Variants in SLIT2 observed in about 807,000 individuals in gnomAD.
The protein encoded by SLIT2 is slit homolog 2 protein.
Under a neutral mutation model 185.7 loss-of-function variants are expected in SLIT2, and 41 were observed. The ratio of observed to expected loss-of-function variants is 0.22; its 90% CI spans 0.17 to 0.29. The LOEUF (loss-of-function observed/expected upper bound fraction) is 0.29, where lower values mean the gene tolerates loss of function less well. Among genes scored for constraint, SLIT2 ranks in the 10% least tolerant of loss-of-function variants. The pLI is 1.00. For missense variants in SLIT2, 1,571 were observed against 1,909.0 expected, an observed-to-expected ratio of 0.82 and a Z score of 3.30; for synonymous variants, 693 against 680.2, an observed-to-expected ratio of 1.02 and a Z score of -0.29.
intron 30 of SLIT2, among the ~76,000 whole-genome samples, chr4:20,594,560 A>G (rs1290518366): frequency 1.3e-5 from 2 of 152,076 alleles, no homozygotes; most frequent in African/African-American, 4.8e-5. Flanking sequence ...ATAGATGGCC[A>G]TACCTGTAGG....
intron 2 of SLIT2, among the ~76,000 whole-genome samples, chr4:20,256,976 C>T (rs1034219347): frequency 6.6e-6 from 1 of 152,014 alleles, no homozygotes; most frequent in Non-Finnish European, 1.5e-5. Context: ...GACCTCAGAT[C>T]TTTGTTATAC....
chr4:20,595,662 T>C (rs375435385), intron 30 of SLIT2, 35 bp from the exon 31 acceptor site: 22 of 1,608,464 alleles, frequency 1.4e-5, no homozygotes, highest in Non-Finnish European at 1.8e-5. Context: ...TTTGGCTCAG[T>C]TGGGTTTGAA....
chr4:20,500,254 A>G (rs1718597352), intron 9 of SLIT2, among the ~76,000 whole-genome samples: 1 of 152,208 alleles, frequency 6.6e-6, no homozygotes, highest in South Asian at 2.1e-4. Flanking sequence ...AACATATTCA[A>G]CTTAAGGATA....
At chr4:20,556,641 C>T (rs1724281796) in intron 26 of SLIT2, among the ~76,000 whole-genome samples, 1 of 151,858 alleles carries the variant, frequency 6.6e-6, no homozygotes, top group Non-Finnish European at 1.5e-5. Context: ...TGAAATTAGG[C>T]CAGACATAAC....
At chr4:20,532,542 G>A (rs1450306123) in intron 17 of SLIT2, among the ~76,000 whole-genome samples, 1 of 152,100 alleles carries the variant, frequency 6.6e-6, no homozygotes, top group African/African-American at 2.4e-5. Flanking sequence ...AAGTTCATAA[G>A]CTCAGCAGTT....
At chr4:20,569,886 A>G (rs993871412) in intron 29 of SLIT2, among the ~76,000 whole-genome samples, 8 of 152,106 alleles carry the variant, frequency 5.3e-5, no homozygotes, top group Non-Finnish European at 1.0e-4. Flanking sequence ...AAATCAAAGG[A>G]TGAAATTACA....
intron 4 of SLIT2, among the ~76,000 whole-genome samples, chr4:20,379,401 A>C (rs541414575): frequency 6.6e-6 from 1 of 152,298 alleles, no homozygotes; most frequent in African/African-American, 2.4e-5. Context: ...TTTATGTTAC[A>C]TTAGAGGATA....
chr4:20,524,166 T>A lies in SLIT2; in HGVS notation c.1427T>A (p.Phe476Tyr). ...KRIGQIKSKKFRCSAKEQYFI... is the reference protein window; with the variant it reads ...KRIGQIKSKKYRCSAKEQYFI... The stretch of plus-strand genomic sequence containing the variant: ...ATTGGACAGATCAAAAGCAAGAAAT[T>A]CCGTTGTTCAGGTAATTTCTTCACG... The change falls in exon 14 of 37, where the codon TTC becomes TAC. Residue 476 changes from phenylalanine to tyrosine, a missense_variant. This residue lies in a region of SLIT2 where 1,202 missense variants were observed against 1,416.4 expected (regional missense o/e 0.85). Coordinates refer to ENST00000504154, the MANE Select transcript of SLIT2 (RefSeq NM_004787.4). 2 of 1,613,974 alleles carry A rather than the reference T, an allele frequency of 1.2e-6. No homozygotes were observed. Among genetic ancestry groups the A allele is most frequent in the Non-Finnish European group, 1.7e-6 (2 of 1,179,958 alleles).
chr4:20,401,375 T>A (rs1726347562), intron 4 of SLIT2, among the ~76,000 whole-genome samples: 1 of 151,934 alleles, frequency 6.6e-6, no homozygotes, highest in Admixed American at 6.6e-5. Flanking sequence ...AGAGCCAGTT[T>A]GGCTTCTTCC....
At position 20,618,712 on chromosome 4, in the gene SLIT2, C is replaced by T; in HGVS notation, c.4349-56C>T. 2.7e-6 allele frequency: 4 copies of T among 1,505,590 alleles called. No homozygotes were observed. The South Asian group carries it at 5.5e-5, about 21-fold the overall frequency. The allele number at this position is 1,505,590 out of a possible 1,614,324, so 93.3% of individuals were successfully genotyped here. Reference sequence around the variant, plus strand: ...ATTAAGTTGTGGATTCACAGTCACTCTGCATGACTTACAGTGACTGTTCTT... The same window carrying T: ...ATTAAGTTGTGGATTCACAGTCACTTTGCATGACTTACAGTGACTGTTCTT... On this transcript the variant is annotated intron_variant, in intron 36 of 36. Coordinates refer to ENST00000504154, the MANE Select transcript of SLIT2 (RefSeq NM_004787.4).
At chr4:20,552,393 G>T (rs977316283) in intron 25 of SLIT2, 3 of 147,772 alleles carry the variant, frequency 2.0e-5, no homozygotes, top group Non-Finnish European at 4.5e-5. Context: ...TATATATAAA[G>T]AAATTTTATA....
chr4:20,606,481 CAA>C (rs35581868), intron 33 of SLIT2, among the ~76,000 whole-genome samples: 1 of 142,730 alleles, frequency 7.0e-6, no homozygotes. Context: ...GACTCTGTCT[CAA>C]AAAAAAAAAA....
intron 4 of SLIT2, among the ~76,000 whole-genome samples, chr4:20,425,575 A>G (rs1728498956): frequency 6.6e-6 from 1 of 152,186 alleles, no homozygotes; most frequent in African/African-American, 2.4e-5. Flanking sequence ...TATTGATTAG[A>G]TACAATTTTA....
intron 4 of SLIT2, among the ~76,000 whole-genome samples, chr4:20,409,043 G>A (rs1161044744): frequency 4.0e-5 from 6 of 150,890 alleles, no homozygotes; most frequent in African/African-American, 9.8e-5. Context: ...TGCAGCTCAC[G>A]AAAGCTGCCA....
chr4:20,509,838 C>T (rs923394581), intron 9 of SLIT2, among the ~76,000 whole-genome samples: 1 of 151,992 alleles, frequency 6.6e-6, no homozygotes, highest in Non-Finnish European at 1.5e-5. Flanking sequence ...TTTAGTATAC[C>T]ATAAAAATAC....
chr4:20,596,367 A>G (rs763970574), intron 31 of SLIT2, 48 bp from the exon 32 acceptor site: 1 of 1,576,764 alleles, frequency 6.3e-7, no homozygotes. Flanking sequence ...CAGATTGGCA[A>G]TTAAGTAAAA....
intron 4 of SLIT2, among the ~76,000 whole-genome samples, chr4:20,405,411 A>T (rs1368992633): frequency 1.3e-5 from 2 of 151,938 alleles, no homozygotes; most frequent in African/African-American, 4.8e-5. Flanking sequence ...GAAAACACAG[A>T]ATTTGTATTA....
chr4:20,550,475 T>C (rs1021120013), intron 24 of SLIT2, among the ~76,000 whole-genome samples: 4 of 152,038 alleles, frequency 2.6e-5, no homozygotes, highest in Non-Finnish European at 5.9e-5. Context: ...ATATATTTTA[T>C]GTTGTCAAAA....
intron 9 of SLIT2, among the ~76,000 whole-genome samples, chr4:20,503,366 A>T (rs614026): frequency 0.75 from 114,664 of 152,136 alleles, 43,528 homozygotes; most frequent in East Asian, 0.95. Flanking sequence ...AAACTAAAAT[A>T]ATTAGCAAGC....
Sources: gnomAD v4.1 joint callset for allele counts (sites outside exome capture counted in the v4.1 genomes callset) on GRCh38, gnomAD v4.1.1 for gene constraint, gnomAD v4.1.1 regional missense constraint, MANE v1.5 for transcripts, NCBI Gene and HGNC (gene_info 2026-07-23, HGNC 2026-07-21) for gene names.